The following GALNT17 variants were observed in gnomAD, a reference collection of about 807,000 sequenced individuals.
GALNT17 encodes the protein polypeptide N-acetylgalactosaminyltransferase 17, also known as UDP-GalNAc:polypeptide N-acetylgalactosaminyltransferase-like 3.
In GALNT17, 29 loss-of-function variants were observed where a neutral mutation model predicts 63.7. That is an observed-to-expected ratio of 0.46 (90% confidence interval 0.34 to 0.62). The LOEUF is 0.62. Ranked by LOEUF, GALNT17 falls within the 20% of genes least tolerant of loss-of-function variation. GALNT17 has a pLI of 0.01. For synonymous variants in GALNT17, 305 were observed against 318.3 expected, an observed-to-expected ratio of 0.96 and a Z score of 0.45; for missense variants, 603 against 799.6, an observed-to-expected ratio of 0.75 and a Z score of 2.97.
At chr7:71,489,741 A>G (rs1787976059) in intron 5 of GALNT17, among the ~76,000 whole-genome samples, 1 of 152,242 alleles carries the variant, frequency 6.6e-6, no homozygotes, top group African/African-American at 2.4e-5. Flanking sequence ...TGCAAACATC[A>G]TGTAGCTTAT....
chr7:71,468,729 C>T (rs945505594), intron 5 of GALNT17, among the ~76,000 whole-genome samples: 1 of 152,018 alleles, frequency 6.6e-6, no homozygotes, highest in African/African-American at 2.4e-5. Context: ...AGGCTCCTCC[C>T]ATCTTGACCT....
intron 1 of GALNT17, among the ~76,000 whole-genome samples, chr7:71,146,213 T>C (rs1016696632): frequency 3.9e-5 from 6 of 152,010 alleles, no homozygotes; most frequent in African/African-American, 1.4e-4. Context: ...CACAGAGATT[T>C]GTTCCTCCCC....
At chr7:71,484,902 A>T (rs1787884696) in intron 5 of GALNT17, among the ~76,000 whole-genome samples, 1 of 142,404 alleles carries the variant, frequency 7.0e-6, no homozygotes, top group Non-Finnish European at 1.5e-5. Context: ...GGGTTCAAGC[A>T]GTTCTCCTAC....
At chr7:71,569,272 A>C (rs998131115) in intron 5 of GALNT17, among the ~76,000 whole-genome samples, 3 of 152,144 alleles carry the variant, frequency 2.0e-5, no homozygotes, top group South Asian at 2.1e-4. Context: ...GCCCGGCTCT[A>C]ACATGATTTT....
At chr7:71,561,598 A>G (rs1789257126) in intron 5 of GALNT17, among the ~76,000 whole-genome samples, 1 of 152,208 alleles carries the variant, frequency 6.6e-6, no homozygotes. Flanking sequence ...CAGGAAATAG[A>G]AAATAGAGTC....
intron 1 of GALNT17, among the ~76,000 whole-genome samples, chr7:71,189,807 A>G (rs1020528371): frequency 1.5e-5 from 2 of 135,026 alleles, no homozygotes; most frequent in South Asian, 2.4e-4. Flanking sequence ...AGCAAGAACC[A>G]TTTCTTTTTT....
intron 5 of GALNT17, among the ~76,000 whole-genome samples, chr7:71,483,782 A>G (rs10274606): frequency 0.98 from 149,340 of 152,306 alleles, 73,277 homozygotes; most frequent in Non-Finnish European, 1. Context: ...CACTCTGACA[A>G]TAATCACTTA....
At chr7:71,440,663 C>A (rs150665106) in intron 5 of GALNT17, among the ~76,000 whole-genome samples, 31 of 152,162 alleles carry the variant, frequency 2.0e-4, no homozygotes, top group Non-Finnish European at 3.7e-4. Context: ...TGTGAGCCAC[C>A]GCGCCTGGCC....
In GALNT17 at chr7:71,423,143, G is replaced by A. The variant is rs188832673; in HGVS notation, c.962+2038G>A. ...GGCACAGGATGGGGGACAGGGTATG[G>A]TGGGCCAAAGGGCAACTTTTTCAGT... On this transcript the variant is annotated intron_variant, in intron 5 of 10. Coordinates refer to ENST00000333538, the MANE Select transcript of GALNT17 (RefSeq NM_022479.3). Among the ~76,000 whole-genome samples, 300 of 152,296 alleles carry A rather than the reference G, an allele frequency of 2.0e-3. 3 individuals are homozygous for A. The highest frequency in any genetic ancestry group is 3.8e-3 in the Non-Finnish European group (259 of 68,028).
chr7:71,288,815 T>A (rs1790925435), intron 1 of GALNT17, among the ~76,000 whole-genome samples: 1 of 152,204 alleles, frequency 6.6e-6, no homozygotes, highest in South Asian at 2.1e-4. Context: ...AGTTGGTTGA[T>A]GCTGAGAAAT....
At chr7:71,581,825 CAGTG>C (rs1789639830) in intron 6 of GALNT17, among the ~76,000 whole-genome samples, 2 of 152,066 alleles carry the variant, frequency 1.3e-5, no homozygotes, top group Admixed American at 1.3e-4. Flanking sequence ...TCTAACCTGA[CAGTG>C]AGATGTCAAG....
At chr7:71,293,433 C>T (rs1357310028) in intron 1 of GALNT17, among the ~76,000 whole-genome samples, 6 of 152,194 alleles carry the variant, frequency 3.9e-5, no homozygotes, top group Admixed American at 1.3e-4. Context: ...TTTTAATTTC[C>T]GTTTCCCTGA....
intron 5 of GALNT17, among the ~76,000 whole-genome samples, chr7:71,525,135 CAAT>C (rs1483191196): frequency 7.9e-5 from 12 of 152,102 alleles, no homozygotes; most frequent in African/African-American, 2.9e-4. Context: ...TGCACCAACT[CAAT>C]AGTTTTAGTT....
At chr7:71,328,332 T>G (rs751618703) in intron 1 of GALNT17, among the ~76,000 whole-genome samples, 23 of 152,218 alleles carry the variant, frequency 1.5e-4, no homozygotes, top group Non-Finnish European at 2.8e-4. Flanking sequence ...CTCGCAGGCC[T>G]GGTGCCAAGA....
At chr7:71,690,212 A>G (rs1791421495) in intron 9 of GALNT17, among the ~76,000 whole-genome samples, 2 of 151,900 alleles carry the variant, frequency 1.3e-5, no homozygotes, top group African/African-American at 2.4e-5. Flanking sequence ...TTTAGTAGAG[A>G]CAGGGTTTCC....
intron 3 of GALNT17, among the ~76,000 whole-genome samples, chr7:71,394,610 TA>T (rs1793105473): frequency 6.6e-6 from 1 of 152,164 alleles, no homozygotes; most frequent in Non-Finnish European, 1.5e-5. Flanking sequence ...TGGGTCTTTG[TA>T]GCTCCATTGG....
intron 4 of GALNT17, among the ~76,000 whole-genome samples, chr7:71,418,725 A>G (rs1786597658): frequency 1.3e-5 from 2 of 152,226 alleles, no homozygotes; most frequent in South Asian, 4.1e-4. Context: ...AATAGGCAGG[A>G]CATCCCCAGG....
At chr7:71,347,415 G>A (rs946106467) in intron 2 of GALNT17, among the ~76,000 whole-genome samples, 10 of 152,098 alleles carry the variant, frequency 6.6e-5, no homozygotes, top group African/African-American at 2.4e-4. Context: ...CACGTGAAAT[G>A]TATAGAATAA....
chr7:71,285,676 C>T (rs1790860184), intron 1 of GALNT17, among the ~76,000 whole-genome samples: 1 of 152,168 alleles, frequency 6.6e-6, no homozygotes, highest in African/African-American at 2.4e-5. Flanking sequence ...AAAGATCTCT[C>T]ATCCATTTCT....
Sources: gnomAD v4.1 joint callset for allele counts (sites outside exome capture counted in the v4.1 genomes callset) on GRCh38, gnomAD v4.1.1 for gene constraint, MANE v1.5 for transcripts, NCBI Gene and HGNC (gene_info 2026-07-23, HGNC 2026-07-21) for gene names.